PCDHGC3: variants seen among roughly 807,000 people sequenced by gnomAD.
PCDHGC3 encodes the protein protocadherin gamma-C3.
A neutral mutation model predicts 59.2 loss-of-function variants in PCDHGC3; 26 were observed. That is an observed-to-expected ratio of 0.44 (90% confidence interval 0.32 to 0.61). PCDHGC3 has a LOEUF of 0.61. Among genes scored for constraint, PCDHGC3 ranks in the 20% least tolerant of loss-of-function variants. The pLI is 0.05. For synonymous variants in PCDHGC3, 487 were observed against 519.7 expected (o/e 0.94, Z 0.86); for missense variants, 1,080 against 1,221.8 (o/e 0.88, Z 1.73).
intron 2 of PCDHGC3, among the ~76,000 whole-genome samples, chr5:141,500,587 C>T (rs1418158417): frequency 6.6e-5 from 10 of 152,170 alleles, no homozygotes; most frequent in South Asian, 2.1e-4. Flanking sequence ...ACACTTTATT[C>T]ACATATTAAG....
At chr5:141,500,822 T>A (rs1377955680) in intron 2 of PCDHGC3, among the ~76,000 whole-genome samples, 1 of 152,240 alleles carries the variant, frequency 6.6e-6, no homozygotes, top group African/African-American at 2.4e-5. Context: ...TACATATTAT[T>A]TTTCTAATGC....
chr5:141,505,270 G>C, intron 2 of PCDHGC3, 123 bp from the exon 3 acceptor site: 1 of 1,520,726 alleles, frequency 6.6e-7, no homozygotes, highest in African/African-American at 1.4e-5. Context: ...CTTGCTGAGA[G>C]AAACAGGTCT....
chr5:141,475,971 C>T lies in PCDHGC3; in HGVS notation c.-146C>T, dbSNP rs750016455. Reference sequence around the variant, plus strand: ...TCTGCGCCCCGGGATGAGGCAGAGACTGAACAGCCGGCGAGCAAATCAACG... The same window carrying T: ...TCTGCGCCCCGGGATGAGGCAGAGATTGAACAGCCGGCGAGCAAATCAACG... On this transcript the variant is annotated 5_prime_UTR_variant, in exon 1 of 4. Coordinates refer to ENST00000308177, the MANE Select transcript of PCDHGC3 (RefSeq NM_002588.4). The T allele has an allele frequency of 2.1e-5, 20 of 954,292 alleles. No individual in the cohort carries two copies. The highest frequency in any genetic ancestry group is 2.9e-5 in the Non-Finnish European group (19 of 644,316). 59.1% of individuals were successfully genotyped at this position (954,292 alleles called of 1,614,324 possible). A position where few individuals can be genotyped will look rare whatever the true frequency, so the allele number is the denominator to read the frequency against.
Position 141,487,272 on chromosome 5 carries a change from T to C in PCDHGC3, c.2431-7535T>C. 6.2e-7 allele frequency: 1 copy of C among 1,614,148 alleles called. No homozygotes were observed. The highest frequency in any genetic ancestry group is 8.5e-7 in the Non-Finnish European group (1 of 1,180,036). Reference sequence around the variant, plus strand: ...TACTTGGCTGTGTCCCTAGTGGCAATTTGCTTTGTCTCCTTTGGCTCATTC... The same window carrying C: ...TACTTGGCTGTGTCCCTAGTGGCAACTTGCTTTGTCTCCTTTGGCTCATTC... On this transcript the variant is annotated intron_variant, in intron 1 of 3. Coordinates refer to ENST00000308177, the MANE Select transcript of PCDHGC3 (RefSeq NM_002588.4). This position sits in a 1 kb window ranked among gnomAD's most constrained non-coding sequence, Gnocchi z 5.0.
intron 3 of PCDHGC3, chr5:141,508,415 A>T (rs2099868684): frequency 6.6e-6 from 1 of 152,158 alleles, no homozygotes; most frequent in Non-Finnish European, 1.5e-5. Context: ...CCACGCAGAG[A>T]CTTGACCAAG....
At chr5:141,504,340 G>C (rs1240423982) in intron 2 of PCDHGC3, among the ~76,000 whole-genome samples, 1 of 152,062 alleles carries the variant, frequency 6.6e-6, no homozygotes, top group Non-Finnish European at 1.5e-5. Flanking sequence ...CAAGTGCTAG[G>C]CTTTGTGCTA....
chr5:141,490,612 C>G lies in PCDHGC3; in HGVS notation c.2431-4195C>G, dbSNP rs1393568166. ...CAATGCACCCCGCTTCAACCAGCAG[C>G]TTTACACTGCTTACATCCTAGAAAA... On this transcript the variant is annotated intron_variant, in intron 1 of 3. Coordinates refer to ENST00000308177, the MANE Select transcript of PCDHGC3 (RefSeq NM_002588.4). This position sits in a 1 kb window ranked among gnomAD's most constrained non-coding sequence, Gnocchi z 5.4. The G allele has an allele frequency of 6.2e-7, 1 of 1,614,082 alleles. No homozygotes were observed. Among genetic ancestry groups the G allele is most frequent in the Non-Finnish European group, 8.5e-7 (1 of 1,180,032 alleles).
intron 3 of PCDHGC3, 125 bp downstream of exon 3, chr5:141,505,606 C>G: frequency 6.5e-7 from 1 of 1,528,642 alleles, no homozygotes; most frequent in Non-Finnish European, 8.8e-7. Flanking sequence ...TTCGGCAGGT[C>G]TGAAAGGACC....
intron 1 of PCDHGC3, chr5:141,478,803 T>G: frequency 2.1e-6 from 3 of 1,463,244 alleles, no homozygotes; most frequent in Non-Finnish European, 2.7e-6. Context: ...AGCACTCTTT[T>G]GCTATCACAA....
At chr5:141,500,782 T>G (rs2099802612) in intron 2 of PCDHGC3, among the ~76,000 whole-genome samples, 2 of 152,222 alleles carry the variant, frequency 1.3e-5, no homozygotes, top group Admixed American at 1.3e-4. Context: ...ATATACATAT[T>G]ATTTTACAGA....
intron 1 of PCDHGC3, chr5:141,484,980 A>C (rs1387732109): frequency 1.7e-6 from 1 of 593,836 alleles, no homozygotes; most frequent in Admixed American, 3.1e-5. Flanking sequence ...CTGTCTGCCA[A>C]TCGGGTGGTG....
intron 3 of PCDHGC3, among the ~76,000 whole-genome samples, chr5:141,509,622 T>C (rs2099877603): frequency 6.6e-6 from 1 of 152,186 alleles, no homozygotes; most frequent in Non-Finnish European, 1.5e-5. Flanking sequence ...AACAAGTTCC[T>C]GGGTGATGCT....
chr5:141,490,700 C>T lies in PCDHGC3; in HGVS notation c.2431-4107C>T. The T allele has an allele frequency of 6.2e-7, 1 of 1,614,152 alleles. No individual in the cohort carries two copies. Among genetic ancestry groups the T allele is most frequent in the Non-Finnish European group, 8.5e-7 (1 of 1,179,984 alleles). ...TCAGATCCAGACACTGGGGATAATG[C>T]CCGCCTCACCTACTCCATTGTAGGA... On this transcript the variant is annotated intron_variant, in intron 1 of 3. Transcript: ENST00000308177. This position sits in a 1 kb window ranked among gnomAD's most constrained non-coding sequence, Gnocchi z 5.4.
intron 2 of PCDHGC3, among the ~76,000 whole-genome samples, chr5:141,499,983 C>T (rs765029745): frequency 5.3e-5 from 8 of 151,352 alleles, no homozygotes; most frequent in African/African-American, 9.7e-5. Context: ...CCACCTTGCC[C>T]GGCCAGATGA....
Position 141,485,182 on chromosome 5 carries a change from C to A in PCDHGC3, c.2430+6636C>A. 6.2e-7 allele frequency: 1 copy of A among 1,613,070 alleles called. No individual in the cohort carries two copies. The highest frequency in any genetic ancestry group is 8.5e-7 in the Non-Finnish European group (1 of 1,179,154). On this transcript the variant is annotated intron_variant, in intron 1 of 3. Coordinates refer to ENST00000308177, the MANE Select transcript of PCDHGC3 (RefSeq NM_002588.4). This position sits in a 1 kb window ranked among gnomAD's most constrained non-coding sequence, Gnocchi z 5.7. ...ATTAGCGGGCGGCAGCAATGCTCCG[C>A]AAGGTGAGAAGCTGGACAGAAATCT...
rs773624580 is a variant in PCDHGC3 at position 141,489,715 on chromosome 5, G to A, written c.2431-5092G>A. On this transcript the variant is annotated intron_variant, in intron 1 of 3. Transcript: ENST00000308177. The surrounding 1 kb of genome is among the most constrained non-coding windows in gnomAD (Gnocchi z 4.5). ...ACGATTCCCACTGGACAGTGCCCAG[G>A]ATCCGGATGTGGGCACCAATACTGT... The A allele has an allele frequency of 6.2e-6, 10 of 1,614,004 alleles. No homozygotes were observed. The highest frequency in any genetic ancestry group is 2.2e-5 in the East Asian group (1 of 44,886).
At chr5:141,483,700 T>C (rs1003495517) in intron 1 of PCDHGC3, among the ~76,000 whole-genome samples, 4 of 152,090 alleles carry the variant, frequency 2.6e-5, no homozygotes, top group Admixed American at 2.6e-4. Context: ...ATTCCTCTTT[T>C]TGACACCAGA....
Position 141,512,495 on chromosome 5 carries a change from C to T in PCDHGC3, c.*1322C>T, listed in dbSNP as rs2099884264. 1 of 152,920 alleles carries T rather than the reference C, an allele frequency of 6.5e-6. No homozygotes were observed. The highest frequency in any genetic ancestry group is 1.5e-5 in the Non-Finnish European group (1 of 68,240). The allele number at this position is 152,920 out of a possible 1,614,324, so 9.5% of individuals were successfully genotyped here. A position where few individuals can be genotyped will look rare whatever the true frequency, so the allele number is the denominator to read the frequency against. On this transcript the variant is annotated 3_prime_UTR_variant, in exon 4 of 4. Coordinates refer to ENST00000308177, the MANE Select transcript of PCDHGC3 (RefSeq NM_002588.4). ...TTCCGTGAAGGCCACTGCCCAGGTCCCCAGTGCGCCCCCTAGTGGCCATAG... is the reference window on the plus strand; with the variant it reads ...TTCCGTGAAGGCCACTGCCCAGGTCTCCAGTGCGCCCCCTAGTGGCCATAG...
chr5:141,497,473 AGGT>A (rs2099776769), intron 2 of PCDHGC3, among the ~76,000 whole-genome samples: 1 of 151,750 alleles, frequency 6.6e-6, no homozygotes. Flanking sequence ...ATGGAGGAGA[AGGT>A]GCGGAACCTC....
Sources: gnomAD v4.1 joint callset for allele counts (sites outside exome capture counted in the v4.1 genomes callset) on GRCh38, gnomAD v4.1.1 for gene constraint, Gnocchi (gnomAD v3.1) non-coding constraint, MANE v1.5 for transcripts, NCBI Gene and HGNC (gene_info 2026-07-23, HGNC 2026-07-21) for gene names.